MGAT1: variants seen among roughly 807,000 people sequenced by gnomAD.
MGAT1 encodes N-glycosyl-oligosaccharide-glycoprotein N-acetylglucosaminyltransferase I.
Under a neutral mutation model 31.7 loss-of-function variants are expected in MGAT1, and 14 were observed. That is an observed-to-expected ratio of 0.44 (90% CI 0.29 to 0.69). The LOEUF is 0.69. MGAT1 is among the 30% of genes least tolerant of loss of function. MGAT1 has a pLI of 0.12. For missense variants in MGAT1, 557 were observed against 626.0 expected, an observed-to-expected ratio of 0.89 and a Z score of 1.18; for synonymous variants, 338 against 276.0, an observed-to-expected ratio of 1.22 and a Z score of -2.23.
At chr5:180,813,657 CTGTCATTTGG>C (rs1237011455) in intron 1 of MGAT1, among the ~76,000 whole-genome samples, 1 of 152,168 alleles carries the variant, frequency 6.6e-6, no homozygotes, top group African/African-American at 2.4e-5. Context: ...GTCTCGCGGA[CTGTCATTTGG>C]TGTGGGGTGG....
rs543133825 is a variant in MGAT1 at position 180,792,267 on chromosome 5, C to T, written c.705G>A (p.Leu235=). The change falls in exon 2 of 2, where the codon CTG becomes CTA. Residue 235 remains leucine, a synonymous_variant. Coordinates refer to ENST00000307826, the MANE Select transcript of MGAT1 (RefSeq NM_002406.4). ...TGTCATTCCAGGCCGAGACGCACCA[C>T]AGGGAGGGGTCGGCCTTCAGCAGCG... ...TYPLLKADPS[L]WCVSAWNDNG... The T allele has an allele frequency of 1.9e-6, 3 of 1,612,684 alleles. No homozygotes were observed. In the African/African-American group the frequency reaches 4.0e-5, roughly 21 times the overall value.
chr5:180,806,847 T>G (rs1435753619), upstream of MGAT1, among the ~76,000 whole-genome samples: 1 of 152,160 alleles, frequency 6.6e-6, no homozygotes, highest in African/African-American at 2.4e-5. Context: ...GCATCACGTA[T>G]CCCCGAGGGA....
chr5:180,810,743 T>G (rs1772495252), intron 1 of MGAT1: 1 of 151,492 alleles, frequency 6.6e-6, no homozygotes, highest in African/African-American at 2.5e-5. Context: ...GCCTGTGTGT[T>G]CCCGCTTCCT....
At chr5:180,793,148 A>C in intron 1 of MGAT1, 51 bp from the exon 2 acceptor site, 2 of 753,234 alleles carry the variant, frequency 2.7e-6, no homozygotes, top group Non-Finnish European at 4.2e-6. Context: ...TCGTGGCTCC[A>C]TGCCCCACAG....
In MGAT1 at chr5:180,791,485, T is replaced by A. The variant is rs1481484300; in HGVS notation, c.*149A>T. On this transcript the variant is annotated 3_prime_UTR_variant, in exon 2 of 2. Transcript: ENST00000307826. ...GAACGGGAGAATAATCCTCTTGTTA[T>A]CATTTGTGCACTTAAATGCCACTCG... 3 of 903,654 alleles carry A rather than the reference T, an allele frequency of 3.3e-6. No homozygotes were observed. The Admixed American group carries it at 7.9e-5, about 24-fold the overall frequency. The allele number at this position is 903,654 out of a possible 1,614,324, so 56.0% of individuals were successfully genotyped here. A position where few individuals can be genotyped will look rare whatever the true frequency, so the allele number is the denominator to read the frequency against.
At position 180,791,683 on chromosome 5, in the gene MGAT1, T is replaced by C; in HGVS notation, c.1289A>G (p.His430Arg). 6.2e-7 allele frequency: 1 copy of C among 1,613,760 alleles called. No homozygotes were observed. The highest frequency in any genetic ancestry group is 8.5e-7 in the Non-Finnish European group (1 of 1,179,996). The change falls in exon 2 of 2, where the codon CAC becomes CGC. Residue 430 changes from histidine to arginine, a missense_variant. By Grantham distance (29) the His-to-Arg change is conservative (BLOSUM62 0). This residue lies in a region of MGAT1 where 145 missense variants were observed against 143.2 expected (regional missense o/e 1.01). Coordinates refer to ENST00000307826, the MANE Select transcript of MGAT1 (RefSeq NM_002406.4). Reference sequence around the variant, plus strand: ...CTCCCACGTCAGTGGGGGCGCCAGGTGGACACGGCGGCCCCGGAACTGGAA... The same window carrying C: ...CTCCCACGTCAGTGGGGGCGCCAGGCGGACACGGCGGCCCCGGAACTGGAA... ...VTFQFRGRRV[H>R]LAPPLTWEGY...
Position 180,792,962 on chromosome 5 carries a change from T to G in MGAT1, c.10A>C (p.Lys4Gln), listed in dbSNP as rs1423501598. The G allele has an allele frequency of 1.2e-6, 2 of 1,613,278 alleles. No individual in the cohort carries two copies. Among genetic ancestry groups the G allele is most frequent in the Admixed American group, 1.7e-5 (1 of 60,014 alleles). MLK[K>Q]QSAGLVLWGA... Reference sequence around the variant, plus strand: ...CACAGCACAAGCCCTGCAGACTGCTTCTTCAGCATCCTGGCCCCCACCGGG... The same window carrying G: ...CACAGCACAAGCCCTGCAGACTGCTGCTTCAGCATCCTGGCCCCCACCGGG... Residue 4 changes from lysine (K) to glutamine (Q), a missense_variant, in exon 2 of 2, where the codon AAG becomes CAG. This residue lies in a region of MGAT1 where 167 missense variants were observed against 149.8 expected (regional missense o/e 1.11). Transcript: ENST00000307826.
At chr5:180,811,372 T>C (rs1772553262) in intron 1 of MGAT1, 1 of 152,226 alleles carries the variant, frequency 6.6e-6, no homozygotes, top group Non-Finnish European at 1.5e-5. Flanking sequence ...AAAATACATA[T>C]TGCTTAATTA....
rs1561804562 is a variant in MGAT1 at position 180,789,341 on chromosome 5, G to A, written c.*2293C>T. 1 of 152,302 alleles carries A rather than the reference G, an allele frequency of 6.6e-6. No homozygotes were observed. Among genetic ancestry groups the A allele is most frequent in the Non-Finnish European group, 1.5e-5 (1 of 68,118 alleles). 9.4% of individuals were successfully genotyped at this position (152,302 alleles called of 1,614,324 possible). A position where few individuals can be genotyped will look rare whatever the true frequency, so the allele number is the denominator to read the frequency against. On this transcript the variant is annotated 3_prime_UTR_variant, in exon 2 of 2. Transcript: ENST00000307826. ...CTTACCGCCCAGGCTGGAGTGCAGT[G>A]GTGCGATCTCAGGTCACTGCAACCA...
chr5:180,814,681 C>T (rs535991077), intron 1 of MGAT1, among the ~76,000 whole-genome samples: 8 of 152,122 alleles, frequency 5.3e-5, no homozygotes, highest in Admixed American at 6.6e-5. Flanking sequence ...GTGGCTCACG[C>T]TTGTAATCTC....
At chr5:180,798,279 C>T (rs1035086691) in intron 1 of MGAT1, among the ~76,000 whole-genome samples, 6 of 152,208 alleles carry the variant, frequency 3.9e-5, no homozygotes, top group Admixed American at 1.3e-4. Flanking sequence ...ACCACACTCC[C>T]GTCTGGTACC....
At chr5:180,797,843 T>TGCTTCACA (rs1769820431) in intron 1 of MGAT1, among the ~76,000 whole-genome samples, 2 of 130,662 alleles carry the variant, frequency 1.5e-5, no homozygotes, top group East Asian at 2.6e-4. Flanking sequence ...GCCCACCTCC[T>TGCTTCACA]TAGGCTCAGC....
At chr5:180,793,431 C>G (rs565337740) in intron 1 of MGAT1, among the ~76,000 whole-genome samples, 1 of 152,128 alleles carries the variant, frequency 6.6e-6, no homozygotes, top group South Asian at 2.1e-4. Flanking sequence ...AACCTAAGCG[C>G]CCCAAGATGA....
At position 180,791,614 on chromosome 5, in the gene MGAT1, CCAGGAAGGA is replaced by C; in HGVS notation, c.*11_*19del. Reference sequence around the variant, plus strand: ...AGCTCATGATGTGGCAAGGAGGGGCCCAGGAAGGACAGGCAGGTGCTAATTCCAGCTAGG... The same window carrying C: ...AGCTCATGATGTGGCAAGGAGGGGCCCAGGCAGGTGCTAATTCCAGCTAGG... On this transcript the variant is annotated 3_prime_UTR_variant, in exon 2 of 2. Coordinates refer to ENST00000307826, the MANE Select transcript of MGAT1 (RefSeq NM_002406.4). The C allele has an allele frequency of 6.2e-7, 1 of 1,608,746 alleles. No homozygotes were observed. Among genetic ancestry groups the C allele is most frequent in the South Asian group, 1.1e-5 (1 of 90,468 alleles).
rs983627984 is a variant in MGAT1, at chr5:180,788,868, A to G, written c.*2766T>C. On this transcript the variant is annotated 3_prime_UTR_variant, in exon 2 of 2. Coordinates refer to ENST00000307826, the MANE Select transcript of MGAT1 (RefSeq NM_002406.4). ...GGTACTTATCCTGGAGCACTAAGTA[A>G]GTTGGTACTTATCCTGGAGCACTCA... 1 of 152,370 alleles carries G rather than the reference A, an allele frequency of 6.6e-6. No individual in the cohort carries two copies. The highest frequency in any genetic ancestry group is 1.5e-5 in the Non-Finnish European group (1 of 68,168). The allele number at this position is 152,370 out of a possible 1,614,324, so 9.4% of individuals were successfully genotyped here.
chr5:180,801,758 G>A (rs2113459498), intron 1 of MGAT1, among the ~76,000 whole-genome samples: 1 of 152,312 alleles, frequency 6.6e-6, no homozygotes, highest in South Asian at 2.1e-4. Flanking sequence ...CCACTGCCTG[G>A]ATACTGACGA....
At chr5:180,808,636 C>T (rs1772169478) in intron 2 of MGAT1, 1 of 152,266 alleles carries the variant, frequency 6.6e-6, no homozygotes. Context: ...GGAAATGAGA[C>T]AGGAGCCTTA....
chr5:180,787,441 G>A lies in MGAT1; in HGVS notation c.*4193C>T, dbSNP rs963134695. 1 of 152,188 alleles carries A rather than the reference G, an allele frequency of 6.6e-6. No individual in the cohort carries two copies. Among genetic ancestry groups the A allele is most frequent in the Admixed American group, 6.5e-5 (1 of 15,288 alleles). 9.4% of individuals were successfully genotyped at this position (152,188 alleles called of 1,614,324 possible). ...TATTTCAGAAAGAGGGCAAGCTTCT[G>A]TTCTATACATTTGTATGTTATTTAA... On this transcript the variant is annotated 3_prime_UTR_variant, in exon 2 of 2. Coordinates refer to ENST00000307826, the MANE Select transcript of MGAT1 (RefSeq NM_002406.4).
upstream of MGAT1, among the ~76,000 whole-genome samples, chr5:180,804,445 GGC>G (rs1230276902): frequency 2.0e-5 from 3 of 152,220 alleles, no homozygotes; most frequent in Non-Finnish European, 2.9e-5. Flanking sequence ...GAGAAGGGCA[GGC>G]CCACCGAGGC....
Sources: gnomAD v4.1 joint callset for allele counts (sites outside exome capture counted in the v4.1 genomes callset) on GRCh38, gnomAD v4.1.1 for gene constraint, gnomAD v4.1.1 regional missense constraint, MANE v1.5 for transcripts, NCBI Gene and HGNC (gene_info 2026-07-23, HGNC 2026-07-21) for gene names.